Variants in AMBRA1 observed in about 807,000 individuals in gnomAD.
AMBRA1 encodes activating molecule in BECN1-regulated autophagy protein 1.
AMBRA1 carries 47 observed loss-of-function variants against 125.4 expected under a neutral mutation model. The ratio of observed to expected loss-of-function variants is 0.37; its 90% confidence interval spans 0.30 to 0.48. The LOEUF (loss-of-function observed/expected upper bound fraction) is 0.48, where lower values mean the gene tolerates loss of function less well. Among genes scored for constraint, AMBRA1 ranks in the 20% least tolerant of loss-of-function variants. AMBRA1 has a pLI of 0.99. For synonymous variants in AMBRA1, 626 were observed against 655.5 expected (o/e 0.95, Z 0.69); for missense variants, 1,331 against 1,693.4 (o/e 0.79, Z 3.76).
intron 11 of AMBRA1, among the ~76,000 whole-genome samples, chr11:46,475,432 G>C (rs762106497): frequency 6.4e-4 from 97 of 152,210 alleles, no homozygotes; most frequent in Non-Finnish European, 1.1e-3. Context: ...GGGTAGACTG[G>C]ACCTTAATTC....
At chr11:46,520,440 C>A (rs1951705745) in intron 7 of AMBRA1, among the ~76,000 whole-genome samples, 1 of 152,146 alleles carries the variant, frequency 6.6e-6, no homozygotes, top group Admixed American at 6.5e-5. Context: ...CCCTCACTAT[C>A]CCACCTACGT....
intron 14 of AMBRA1, 104 bp from the exon 15 acceptor site, chr11:46,418,156 G>C: frequency 3.5e-6 from 4 of 1,150,036 alleles, no homozygotes; most frequent in Non-Finnish European, 4.6e-6. Context: ...AGGAAAGGAG[G>C]TGGTTAGGCT....
chr11:46,416,365 G>A (rs549814308), intron 15 of AMBRA1, among the ~76,000 whole-genome samples: 19 of 152,280 alleles, frequency 1.2e-4, no homozygotes, highest in Middle Eastern at 3.4e-3. Context: ...CTCCAGAGAT[G>A]GTGAAAGATG....
chr11:46,508,973 A>G (rs1240561722), intron 8 of AMBRA1, among the ~76,000 whole-genome samples: 3 of 152,244 alleles, frequency 2.0e-5, no homozygotes, highest in Non-Finnish European at 4.4e-5. Context: ...AGAATTAGTC[A>G]TAGATATTTG....
intron 1 of AMBRA1, among the ~76,000 whole-genome samples, chr11:46,567,769 C>A (rs1189780238): frequency 2.0e-5 from 3 of 152,216 alleles, no homozygotes; most frequent in Non-Finnish European, 4.4e-5. Context: ...TACATAAGGA[C>A]CATTTCACAT....
chr11:46,410,670 A>G (rs1374617106), intron 15 of AMBRA1, among the ~76,000 whole-genome samples: 1 of 152,240 alleles, frequency 6.6e-6, no homozygotes, highest in African/African-American at 2.4e-5. Flanking sequence ...GCAACAACAG[A>G]TACAGGCAGT....
intron 7 of AMBRA1, among the ~76,000 whole-genome samples, chr11:46,523,235 C>T (rs527734291): frequency 6.6e-6 from 1 of 152,314 alleles, no homozygotes; most frequent in East Asian, 1.9e-4. Context: ...TTTGATTTCA[C>T]TGATTCGCCT....
chr11:46,586,762 T>A (rs1225460016), intron 1 of AMBRA1, among the ~76,000 whole-genome samples: 3 of 152,194 alleles, frequency 2.0e-5, no homozygotes, highest in African/African-American at 7.2e-5. Flanking sequence ...ACAGAGAGAC[T>A]AAGTAACTTG....
At chr11:46,567,794 A>T (rs914047365) in intron 1 of AMBRA1, among the ~76,000 whole-genome samples, 4 of 152,196 alleles carry the variant, frequency 2.6e-5, no homozygotes, top group African/African-American at 7.2e-5. Context: ...CTATGATTGC[A>T]ACCCCAAACC....
At chr11:46,577,807 G>A (rs909436756) in intron 1 of AMBRA1, among the ~76,000 whole-genome samples, 6 of 151,832 alleles carry the variant, frequency 4.0e-5, no homozygotes, top group Non-Finnish European at 7.4e-5. Context: ...AAAATGTGCC[G>A]GGCATCGTGG....
chr11:46,543,447 T>C, intron 6 of AMBRA1, 49 bp from the exon 7 acceptor site: 2 of 1,582,636 alleles, frequency 1.3e-6, no homozygotes, highest in Middle Eastern at 1.7e-4. Context: ...GGCAGTTAGG[T>C]AGAACCTCCA....
rs1952793431 is a variant in AMBRA1, at chr11:46,542,391, C to T, written c.1626G>A (p.Arg542=). 1.9e-6 allele frequency: 3 copies of T among 1,613,948 alleles called. No individual in the cohort carries two copies. The highest frequency in any genetic ancestry group is 2.5e-6 in the Non-Finnish European group (3 of 1,180,046). Reference sequence around the variant, plus strand: ...GGGTGGGCTGGTGGGAAGGGCCTGGCCTCTCAGATTCAATGTTATTGTTGA... The same window carrying T: ...GGGTGGGCTGGTGGGAAGGGCCTGGTCTCTCAGATTCAATGTTATTGTTGA... ...EMLNNNIESE[R]PGPSHQPTPH... is the part of the protein sequence containing the mutation. Residue 542 remains arginine, a synonymous_variant, in exon 7 of 18, where the codon AGG becomes AGA. Coordinates refer to ENST00000683756, the MANE Select transcript of AMBRA1 (RefSeq NM_001387011.1). The surrounding 1 kb of genome is among the most constrained non-coding windows in gnomAD (Gnocchi z 5.9).
chr11:46,435,109 A>G lies in AMBRA1; in HGVS notation c.2633-72T>C, dbSNP rs548465924. On this transcript the variant is annotated intron_variant, in intron 12 of 17. Transcript: ENST00000683756. ...ATACTGTAAAAATTCTGGGGCCAAG[A>G]AACTTTAGGGACTTCCTAAGGGCCT... 176 of 1,396,968 alleles carry G rather than the reference A, an allele frequency of 1.3e-4. No individual in the cohort carries two copies. In the African/African-American group the frequency reaches 2.2e-3, roughly 18 times the overall value. The allele number at this position is 1,396,968 out of a possible 1,614,324, so 86.5% of individuals were successfully genotyped here. A position where few individuals can be genotyped will look rare whatever the true frequency, so the allele number is the denominator to read the frequency against.
At chr11:46,509,395 A>G (rs985580548) in intron 8 of AMBRA1, among the ~76,000 whole-genome samples, 5 of 152,226 alleles carry the variant, frequency 3.3e-5, no homozygotes, top group African/African-American at 1.2e-4. Flanking sequence ...GGATTACTAA[A>G]AAATTTCAAG....
chr11:46,503,333 G>A (rs1950915518), intron 9 of AMBRA1, among the ~76,000 whole-genome samples: 1 of 152,114 alleles, frequency 6.6e-6, no homozygotes, highest in Non-Finnish European at 1.5e-5. Flanking sequence ...AGAGAGATGG[G>A]GGAATCGCCA....
At chr11:46,410,634 G>C (rs553082131) in intron 15 of AMBRA1, among the ~76,000 whole-genome samples, 2 of 152,192 alleles carry the variant, frequency 1.3e-5, no homozygotes, top group African/African-American at 2.4e-5. Flanking sequence ...GCTCCTCCTC[G>C]GAGCTAAGAG....
At chr11:46,448,239 AG>A (rs1336651873) in intron 11 of AMBRA1, among the ~76,000 whole-genome samples, 1 of 152,248 alleles carries the variant, frequency 6.6e-6, no homozygotes, top group Non-Finnish European at 1.5e-5. Context: ...ACAAAAGAAA[AG>A]GAATAATACA....
intron 11 of AMBRA1, among the ~76,000 whole-genome samples, chr11:46,489,803 A>G (rs1339664815): frequency 2.6e-5 from 4 of 152,236 alleles, no homozygotes; most frequent in African/African-American, 9.6e-5. Context: ...ATGAGGCCTC[A>G]AACATGCAGA....
chr11:46,547,549 A>G (rs2042862771), intron 3 of AMBRA1: 1 of 565,832 alleles, frequency 1.8e-6, no homozygotes, highest in Non-Finnish European at 3.1e-6. Flanking sequence ...AAACCATCAT[A>G]CCACTGGTGA....
Sources: gnomAD v4.1 joint callset for allele counts (sites outside exome capture counted in the v4.1 genomes callset) on GRCh38, gnomAD v4.1.1 for gene constraint, Gnocchi (gnomAD v3.1) non-coding constraint, MANE v1.5 for transcripts, NCBI Gene and HGNC (gene_info 2026-07-23, HGNC 2026-07-21) for gene names.